The following PIEZO1 variants were observed in gnomAD, a reference collection of about 807,000 sequenced individuals.
PIEZO1 encodes piezo-type mechanosensitive ion channel component 1.
Under a neutral mutation model 297.2 loss-of-function variants are expected in PIEZO1, and 296 were observed. That is an observed-to-expected ratio of 1.00 (90% CI 0.91 to 1.10). PIEZO1 has a LOEUF of 1.10. PIEZO1 is among the 50% of genes least tolerant of loss of function. The probability of loss-of-function intolerance (pLI) is 0.00; values close to 1 mark genes in which losing one functional copy is unlikely to be tolerated. For synonymous variants in PIEZO1, 2,427 were observed against 1,507.5 expected, an observed-to-expected ratio of 1.61 and a Z score of -14.13; for missense variants, 5,018 against 3,455.5, an observed-to-expected ratio of 1.45 and a Z score of -11.34.
At chr16:88,742,270 T>C in intron 3 of PIEZO1, 30 bp downstream of exon 3, 1 of 1,522,708 alleles carries the variant, frequency 6.6e-7, no homozygotes, top group Non-Finnish European at 8.8e-7. Flanking sequence ...CCAGGATGGC[T>C]ATCCCTACCC....
chr16:88,781,931 G>C (rs187439054), intron 1 of PIEZO1, among the ~76,000 whole-genome samples: 1 of 152,196 alleles, frequency 6.6e-6, no homozygotes, highest in African/African-American at 2.4e-5. Flanking sequence ...TGTGCCCCTA[G>C]GCTGTGCCAC....
rs991295243 is a variant in PIEZO1 at position 88,716,437 on chromosome 16, T to G, written c.6973A>C (p.Met2325Leu). 3 of 1,549,832 alleles carry G rather than the reference T, an allele frequency of 1.9e-6. No individual in the cohort carries two copies. Among genetic ancestry groups the G allele is most frequent in the South Asian group, 1.2e-5 (1 of 83,964 alleles). ...GTVEYANEKH[M>L]LALAPNSTAR... Reference sequence around the variant, plus strand: ...GTGCTGTTGGGGGCCAGGGCCAGCATGTGCTTCTCGTTGGCATACTCCACA... The same window carrying G: ...GTGCTGTTGGGGGCCAGGGCCAGCAGGTGCTTCTCGTTGGCATACTCCACA... Residue 2325 changes from methionine to leucine, a missense_variant, in exon 48 of 51, where the codon ATG becomes CTG. Met to Leu is a conservative substitution (Grantham distance 15). Coordinates refer to ENST00000301015, the MANE Select transcript of PIEZO1 (RefSeq NM_001142864.4).
At chr16:88,763,695 G>A (rs1421895003) in intron 1 of PIEZO1, among the ~76,000 whole-genome samples, 1 of 152,210 alleles carries the variant, frequency 6.6e-6, no homozygotes, top group Non-Finnish European at 1.5e-5. Context: ...GGAGTGGACA[G>A]CACATTCCAG....
intron 1 of PIEZO1, among the ~76,000 whole-genome samples, chr16:88,751,007 C>T (rs568801419): frequency 2.0e-5 from 3 of 152,294 alleles, no homozygotes; most frequent in East Asian, 1.9e-4. Flanking sequence ...ATGTAGCCAA[C>T]GAGATCCCTC....
At chr16:88,759,259 C>G (rs1281658676) in intron 1 of PIEZO1, among the ~76,000 whole-genome samples, 2 of 152,266 alleles carry the variant, frequency 1.3e-5, no homozygotes, top group Admixed American at 1.3e-4. Context: ...CCTGGGCCTC[C>G]TGGCCGGGGC....
chr16:88,737,665 G>A lies in PIEZO1; in HGVS notation c.1108-19C>T. 6.5e-7 allele frequency: 1 copy of A among 1,533,298 alleles called. No homozygotes were observed. The highest frequency in any genetic ancestry group is 8.7e-7 in the Non-Finnish European group (1 of 1,144,852). 95.0% of individuals were successfully genotyped at this position (1,533,298 alleles called of 1,614,324 possible). A position where few individuals can be genotyped will look rare whatever the true frequency, so the allele number is the denominator to read the frequency against. ...CCACGTGCTGTGGGCAAGCAGCGCT[G>A]AGCCATGCACGGGCTGGCCGGGCGC... On this transcript the variant is annotated intron_variant, in intron 9 of 50. Transcript: ENST00000301015.
chr16:88,716,956 GT>G, intron 45 of PIEZO1, 58 bp from the exon 46 acceptor site: 1 of 1,545,524 alleles, frequency 6.5e-7, no homozygotes, highest in Admixed American at 2.0e-5. Flanking sequence ...GCGGCTGGGG[GT>G]GGTGCACCAC....
At chr16:88,770,049 C>A (rs555419811) in intron 1 of PIEZO1, among the ~76,000 whole-genome samples, 1 of 152,198 alleles carries the variant, frequency 6.6e-6, no homozygotes, top group Admixed American at 6.5e-5. Context: ...GGACTGTTGA[C>A]GCATGGCCCG....
chr16:88,751,914 A>G (rs563877875), intron 1 of PIEZO1, among the ~76,000 whole-genome samples: 2 of 152,246 alleles, frequency 1.3e-5, no homozygotes, highest in African/African-American at 2.4e-5. Context: ...GGAACGTCCA[A>G]TGCTCAACAA....
chr16:88,773,824 A>T (rs963660156), intron 1 of PIEZO1, among the ~76,000 whole-genome samples: 2 of 152,020 alleles, frequency 1.3e-5, no homozygotes, highest in African/African-American at 4.8e-5. Context: ...TCTTAGGAAG[A>T]GGGTCACTCG....
chr16:88,779,904 G>A (rs936751426), intron 1 of PIEZO1, among the ~76,000 whole-genome samples: 5 of 151,760 alleles, frequency 3.3e-5, no homozygotes, highest in African/African-American at 7.2e-5. Flanking sequence ...TGAGCCTTCC[G>A]GGGGGGACGG....
chr16:88,733,491 G>C, intron 18 of PIEZO1, 37 bp from the exon 19 acceptor site: 1 of 1,536,484 alleles, frequency 6.5e-7, no homozygotes, highest in Non-Finnish European at 8.8e-7. Flanking sequence ...GGCTTGGGGA[G>C]GGCAGTGGGC....
chr16:88,752,895 TCCATTC>T (rs1906462233), intron 1 of PIEZO1, among the ~76,000 whole-genome samples: 1 of 150,966 alleles, frequency 6.6e-6, no homozygotes, highest in East Asian at 2.0e-4. Context: ...CATCCATTCA[TCCATTC>T]ATTCATTCAT....
rs777600799 is a variant in PIEZO1, at chr16:88,722,855, G to A, written c.4650C>T (p.Leu1550=). Residue 1550 remains leucine (L), a synonymous_variant, in exon 34 of 51, where the codon CTC becomes CTT. Coordinates refer to ENST00000301015, the MANE Select transcript of PIEZO1 (RefSeq NM_001142864.4). ...SDVLRAERYL[L]TQELLQGGEV... is the part of the protein sequence containing the mutation. ...GGCTCACCTGCAGGAGCTCCTGTGT[G>A]AGGAGGTAGCGCTCTGCCCGCAGCA... is the stretch of plus-strand genomic sequence containing the variant. 112 of 1,547,222 alleles carry A rather than the reference G, an allele frequency of 7.2e-5. No individual in the cohort carries two copies. The highest frequency in any genetic ancestry group is 9.7e-5 in the Non-Finnish European group (111 of 1,146,734).
At chr16:88,717,689 G>C (rs1398449135) in intron 44 of PIEZO1, 1 of 436,122 alleles carries the variant, frequency 2.3e-6, no homozygotes, top group Admixed American at 2.6e-5. Context: ...AAGACACCAA[G>C]AAAATTTAAG....
chr16:88,775,400 C>T (rs1043613264), intron 1 of PIEZO1, among the ~76,000 whole-genome samples: 2 of 152,230 alleles, frequency 1.3e-5, no homozygotes, highest in Non-Finnish European at 2.9e-5. Flanking sequence ...CAAGAGTGTC[C>T]GGGCTTCATC....
intron 1 of PIEZO1, among the ~76,000 whole-genome samples, chr16:88,765,832 C>A (rs1166176486): frequency 6.6e-6 from 1 of 152,116 alleles, no homozygotes; most frequent in East Asian, 1.9e-4. Context: ...TGCCACCACA[C>A]CCGGCTAATT....
Position 88,733,339 on chromosome 16 carries a change from C to A in PIEZO1, c.2603G>T (p.Cys868Phe), listed in dbSNP as rs1293011265. Reference protein sequence around the residue: ...STVWTCVIIVCKMLYQLKVVN... With the variant: ...STVWTCVIIVFKMLYQLKVVN... ...AACCTTGAGCTGGTACAGCATCTTA[C>A]ACACGATGATGACGCAGGTCCACAC... The change falls in exon 19 of 51, where the codon TGT becomes TTT. Residue 868 changes from cysteine to phenylalanine, a missense_variant. By Grantham distance (205) the Cys-to-Phe change is radical (BLOSUM62 -2). Coordinates refer to ENST00000301015, the MANE Select transcript of PIEZO1 (RefSeq NM_001142864.4). 6.5e-7 allele frequency: 1 copy of A among 1,550,216 alleles called. No homozygotes were observed.
chr16:88,717,268 A>C (rs1912118119), intron 44 of PIEZO1, 57 bp from the exon 45 acceptor site: 2 of 1,467,094 alleles, frequency 1.4e-6, no homozygotes, highest in African/African-American at 1.4e-5. Flanking sequence ...CGGGTCACAC[A>C]ACCGCATTCT....
Sources: gnomAD v4.1 joint callset for allele counts (sites outside exome capture counted in the v4.1 genomes callset) on GRCh38, gnomAD v4.1.1 for gene constraint, MANE v1.5 for transcripts, NCBI Gene and HGNC (gene_info 2026-07-23, HGNC 2026-07-21) for gene names.